Variants in ARB2A observed in about 807,000 individuals in gnomAD.
The protein encoded by ARB2A is ARB2 cotranscriptional regulator A, also known as cotranscriptional regulator ARB2A.
At chr5:93,794,609 C>T in the ARB2A span, among the ~76,000 whole-genome samples, 1 of 152,174 alleles carries the variant, frequency 6.6e-6, no homozygotes, top group Non-Finnish European at 1.5e-5. Flanking sequence ...CCACAGGGTG[C>T]TCCCTTGATG....
At chr5:93,762,824 G>C in the ARB2A span, among the ~76,000 whole-genome samples, 14 of 152,160 alleles carry the variant, frequency 9.2e-5, no homozygotes, top group African/African-American at 2.9e-4. Flanking sequence ...ACCCACAAAG[G>C]GAAGCCCATC....
chr5:93,622,727 T>C, the ARB2A span, among the ~76,000 whole-genome samples: 4 of 152,178 alleles, frequency 2.6e-5, no homozygotes, highest in Non-Finnish European at 5.9e-5. Context: ...GGTCATTTTA[T>C]TTGCTTACTC....
At chr5:93,840,079 T>G in the ARB2A span, among the ~76,000 whole-genome samples, 1 of 152,204 alleles carries the variant, frequency 6.6e-6, no homozygotes, top group Admixed American at 6.5e-5. Flanking sequence ...CTCCTGCTTC[T>G]CTAGTTCCTT....
At chr5:94,004,746 T>A in the ARB2A span, among the ~76,000 whole-genome samples, 14 of 151,626 alleles carry the variant, frequency 9.2e-5, no homozygotes, top group Non-Finnish European at 1.8e-4. Context: ...AATATATAGG[T>A]TCCTACAAGC....
the ARB2A span, chr5:93,620,336 T>A: frequency 1.3e-5 from 2 of 152,170 alleles, no homozygotes; most frequent in Non-Finnish European, 2.9e-5. Context: ...TATAGATTTT[T>A]ATGCAGAGTT....
the ARB2A span, among the ~76,000 whole-genome samples, chr5:93,834,762 C>A: frequency 6.6e-6 from 1 of 152,086 alleles, no homozygotes; most frequent in Non-Finnish European, 1.5e-5. Flanking sequence ...TTGTGTCATT[C>A]CAACCCACAG....
At chr5:93,971,110 T>C in the ARB2A span, among the ~76,000 whole-genome samples, 2 of 151,626 alleles carry the variant, frequency 1.3e-5, no homozygotes, top group East Asian at 4.0e-4. Context: ...GCCATTCTCC[T>C]GCCTCAGCCA....
chr5:93,868,366 C>A, the ARB2A span, among the ~76,000 whole-genome samples: 20 of 152,206 alleles, frequency 1.3e-4, no homozygotes, highest in South Asian at 4.1e-3. Flanking sequence ...GGGAAACACT[C>A]AAGTCACTCA....
At chr5:93,704,043 C>T in the ARB2A span, among the ~76,000 whole-genome samples, 1 of 151,298 alleles carries the variant, frequency 6.6e-6, no homozygotes, top group South Asian at 2.1e-4. Flanking sequence ...TAGGCTAGTC[C>T]TTTCAAAGTG....
At chr5:94,044,704 G>A in the ARB2A span, among the ~76,000 whole-genome samples, 5 of 151,964 alleles carry the variant, frequency 3.3e-5, no homozygotes, top group Admixed American at 1.3e-4. Flanking sequence ...ACAGGAGGTC[G>A]GCACAAGATA....
At chr5:93,931,828 C>T in the ARB2A span, among the ~76,000 whole-genome samples, 617 of 152,006 alleles carry the variant, frequency 4.1e-3, 3 homozygotes, top group Admixed American at 9.8e-3. Flanking sequence ...AATTCTAATA[C>T]CATAGGTAAG....
the ARB2A span, among the ~76,000 whole-genome samples, chr5:93,775,298 T>C: frequency 3.3e-5 from 5 of 152,234 alleles, no homozygotes; most frequent in East Asian, 9.6e-4. Flanking sequence ...TGATTAGCTA[T>C]CACTTGTGAT....
chr5:94,050,649 A>G, the ARB2A span: 6 of 1,058,074 alleles, frequency 5.7e-6, no homozygotes, highest in African/African-American at 1.6e-5. Flanking sequence ...GAAAGAGTGC[A>G]TAAACTGCTG....
At chr5:93,640,555 GGTGTGTGTGTGTGTGTGTATGTGT>G in the ARB2A span, among the ~76,000 whole-genome samples, 1 of 147,494 alleles carries the variant, frequency 6.8e-6, no homozygotes, top group Admixed American at 6.8e-5. Flanking sequence ...TTCCTATAGG[GGTGTGTGTGTGTGTGTGTATGTGT>G]GTGTGTGTGT....
chr5:93,806,989 A>G, the ARB2A span, among the ~76,000 whole-genome samples: 1 of 152,036 alleles, frequency 6.6e-6, no homozygotes. Context: ...CACAATAATC[A>G]AATTCAGCCA....
chr5:93,772,115 A>C, the ARB2A span, among the ~76,000 whole-genome samples: 1 of 152,266 alleles, frequency 6.6e-6, no homozygotes, highest in Non-Finnish European at 1.5e-5. Flanking sequence ...ACCATGGAAT[A>C]CTATGCAGCC....
chr5:94,006,050 A>G, the ARB2A span, among the ~76,000 whole-genome samples: 1 of 152,230 alleles, frequency 6.6e-6, no homozygotes, highest in African/African-American at 2.4e-5. Context: ...CCAGATAAAT[A>G]TACTCTTAGC....
chr5:93,947,699 A>T, the ARB2A span, among the ~76,000 whole-genome samples: 7 of 118,158 alleles, frequency 5.9e-5, no homozygotes, highest in African/African-American at 9.9e-5. Flanking sequence ...CCAGAGTGCG[A>T]TGTTCCCCTT....
At chr5:94,111,253 C>T in the ARB2A span, among the ~76,000 whole-genome samples, 1 of 152,184 alleles carries the variant, frequency 6.6e-6, no homozygotes, top group South Asian at 2.1e-4. Context: ...GAATCCCGTA[C>T]GCCCCGACAT....
Sources: gnomAD v4.1 joint callset for allele counts (sites outside exome capture counted in the v4.1 genomes callset) on GRCh38, gnomAD v4.1.1 for gene constraint, MANE v1.5 for transcripts, NCBI Gene and HGNC (gene_info 2026-07-23, HGNC 2026-07-21) for gene names.